The following KANK1 variants were observed in gnomAD, a reference collection of about 807,000 sequenced individuals.
The protein encoded by KANK1 is KN motif and ankyrin repeat domain-containing protein 1.
A neutral mutation model predicts 106.2 loss-of-function variants in KANK1; 109 were observed. The ratio of observed to expected loss-of-function variants is 1.03; its 90% CI spans 0.88 to 1.20. The LOEUF (loss-of-function observed/expected upper bound fraction) is 1.20, where lower values mean the gene tolerates loss of function less well. Ranked by LOEUF, KANK1 falls within the 50% of genes most tolerant of loss-of-function variation. The pLI is 0.00. For synonymous variants in KANK1, 873 were observed against 652.2 expected (o/e 1.34, Z -5.16); for missense variants, 2,399 against 1,710.7 (o/e 1.40, Z -7.10).
At chr9:682,908 C>T (rs937352966) in intron 2 of KANK1, among the ~76,000 whole-genome samples, 2 of 152,196 alleles carry the variant, frequency 1.3e-5, no homozygotes, top group African/African-American at 4.8e-5. Flanking sequence ...CGGTGCACCC[C>T]ACTCTCGCTT....
intron 1 of KANK1, among the ~76,000 whole-genome samples, chr9:640,923 C>G (rs184917221): frequency 2.3e-3 from 340 of 151,030 alleles, no homozygotes; most frequent in African/African-American, 8.1e-3. Flanking sequence ...GTCTCGATCT[C>G]CTGACCTTGT....
At chr9:708,873 A>G (rs1478581280) in intron 2 of KANK1, among the ~76,000 whole-genome samples, 1 of 152,226 alleles carries the variant, frequency 6.6e-6, no homozygotes, top group East Asian at 1.9e-4. Flanking sequence ...AAAACAACAC[A>G]TGACCTGATC....
intron 3 of KANK1, among the ~76,000 whole-genome samples, chr9:729,831 AC>A (rs1385496930): frequency 6.6e-6 from 1 of 152,186 alleles, no homozygotes; most frequent in Non-Finnish European, 1.5e-5. Context: ...AGCAGCCAAA[AC>A]AGAGAAAAGA....
chr9:630,581 G>C (rs754815386), intron 1 of KANK1, among the ~76,000 whole-genome samples: 1 of 151,860 alleles, frequency 6.6e-6, no homozygotes, highest in Non-Finnish European at 1.5e-5. Flanking sequence ...GAGTAGCTTC[G>C]TTTCAGGTGG....
chr9:702,014 A>T (rs1424506755), intron 2 of KANK1, among the ~76,000 whole-genome samples: 1 of 152,170 alleles, frequency 6.6e-6, no homozygotes, highest in Non-Finnish European at 1.5e-5. Context: ...TTTATAGGAG[A>T]TGAATATATA....
intron 1 of KANK1, among the ~76,000 whole-genome samples, chr9:612,200 C>T (rs1484890906): frequency 6.6e-6 from 1 of 152,142 alleles, no homozygotes; most frequent in Non-Finnish European, 1.5e-5. Context: ...CTTTTGGCAG[C>T]TGTAGAGAAA....
intron 11 of KANK1, 119 bp from the exon 12 acceptor site, chr9:745,054 C>G: frequency 1.3e-6 from 2 of 1,530,136 alleles, no homozygotes; most frequent in Non-Finnish European, 1.8e-6. Context: ...CCAGAGCTCT[C>G]CTGGCTCGGG....
At chr9:661,555 T>C (rs1843319649) in intron 1 of KANK1, among the ~76,000 whole-genome samples, 1 of 152,148 alleles carries the variant, frequency 6.6e-6, no homozygotes. Flanking sequence ...TCCAAGTCTC[T>C]GCTATTGTGA....
rs187527808 is a variant in KANK1, at chr9:639,854, C to G, written c.-83-37036C>G. ...GCCTGTTCCTCAAGGATAGTGCCTT[C>G]TATGTCCTTACATGGCAGATGGGCA... On this transcript the variant is annotated intron_variant, in intron 1 of 11. Transcript: ENST00000382297. 7.9e-5 allele frequency among the ~76,000 whole-genome samples: 12 copies of G among 152,292 alleles called. 1 individual carries two copies. The highest frequency in any genetic ancestry group is 6.8e-3 in the Middle Eastern group (2 of 294).
At chr9:541,123 GAAA>G (rs150120914) in intron 1 of KANK1, among the ~76,000 whole-genome samples, 16 of 145,286 alleles carry the variant, frequency 1.1e-4, no homozygotes, top group African/African-American at 4.1e-4. Flanking sequence ...GTTGAAAAAC[GAAA>G]AAAAAACACA....
At chr9:630,029 C>G (rs1051225761) in intron 1 of KANK1, among the ~76,000 whole-genome samples, 3 of 150,502 alleles carry the variant, frequency 2.0e-5, no homozygotes, top group Admixed American at 6.6e-5. Flanking sequence ...AGGCCGATCA[C>G]TTAAGGCCAG....
intron 3 of KANK1, among the ~76,000 whole-genome samples, chr9:473,753 G>A (rs1587172912): frequency 1.3e-5 from 2 of 150,894 alleles, no homozygotes; most frequent in East Asian, 3.9e-4. Context: ...AGGGTGGAAT[G>A]CAGTGGCACA....
At chr9:505,793 AATC>A (rs2058729858) in intron 1 of KANK1, among the ~76,000 whole-genome samples, 1 of 152,172 alleles carries the variant, frequency 6.6e-6, no homozygotes, top group Non-Finnish European at 1.5e-5. Context: ...AAGGAAGCTT[AATC>A]ATCCAGATGT....
intron 1 of KANK1, among the ~76,000 whole-genome samples, chr9:553,352 C>G (rs747504587): frequency 2.0e-5 from 3 of 152,124 alleles, no homozygotes; most frequent in Non-Finnish European, 4.4e-5. Context: ...GCCAGGCAAT[C>G]AGCTTTAAAC....
chr9:531,560 G>A (rs183714098), intron 1 of KANK1, among the ~76,000 whole-genome samples: 13 of 152,378 alleles, frequency 8.5e-5, no homozygotes, highest in Admixed American at 5.2e-4. Flanking sequence ...CAATTTGAGA[G>A]TTGGATAAAG....
intron 2 of KANK1, among the ~76,000 whole-genome samples, chr9:696,249 A>C (rs1214857068): frequency 2.0e-5 from 3 of 150,458 alleles, no homozygotes; most frequent in African/African-American, 7.4e-5. Context: ...ACGCCACTGC[A>C]CTCCAGCCTG....
chr9:519,377 A>G (rs1410770336), intron 1 of KANK1, among the ~76,000 whole-genome samples: 14 of 151,770 alleles, frequency 9.2e-5, no homozygotes, highest in Non-Finnish European at 1.9e-4. Context: ...TTCCTTCAGA[A>G]ATTAAGTTTT....
upstream of KANK1, among the ~76,000 whole-genome samples, chr9:502,548 G>GAC (rs1376832656): frequency 7.2e-6 from 1 of 138,038 alleles, no homozygotes; most frequent in African/African-American, 3.4e-5. Flanking sequence ...TTTTTTCTTA[G>GAC]AGTCGTGCTC....
intron 3 of KANK1, among the ~76,000 whole-genome samples, chr9:486,894 C>T (rs1025804254): frequency 1.4e-4 from 21 of 152,200 alleles, no homozygotes; most frequent in African/African-American, 5.1e-4. Flanking sequence ...TTAATCATGG[C>T]AAAAGTCTAA....
Sources: gnomAD v4.1 joint callset for allele counts (sites outside exome capture counted in the v4.1 genomes callset) on GRCh38, gnomAD v4.1.1 for gene constraint, MANE v1.5 for transcripts, NCBI Gene and HGNC (gene_info 2026-07-23, HGNC 2026-07-21) for gene names.